Variants in OPTC observed in about 807,000 individuals in gnomAD.
The protein encoded by OPTC is oculoglycan.
OPTC carries 22 observed loss-of-function variants against 25.4 expected under a neutral mutation model. That is an observed-to-expected ratio of 0.87 (90% CI 0.62 to 1.24). The LOEUF (loss-of-function observed/expected upper bound fraction) is 1.24, where lower values mean the gene tolerates loss of function less well. Among genes scored for constraint, OPTC ranks in the 50% most tolerant of loss-of-function variants. The pLI is 0.00. For missense variants in OPTC, 417 were observed against 425.2 expected, an observed-to-expected ratio of 0.98 and a Z score of 0.17; for synonymous variants, 169 against 179.3, an observed-to-expected ratio of 0.94 and a Z score of 0.46.
In OPTC at chr1:203,498,885, G is replaced by C. The variant is rs748230235; in HGVS notation, c.529+46G>C. ...AGAGGAGTGGGGGCAGGCATATGCAGCCACCCTGCCACTAGGACAGTCACC... is the reference window on the plus strand; with the variant it reads ...AGAGGAGTGGGGGCAGGCATATGCACCCACCCTGCCACTAGGACAGTCACC... On this transcript the variant is annotated intron_variant, in intron 4 of 7. Transcript: ENST00000367222. 27 of 1,591,492 alleles carry C rather than the reference G, an allele frequency of 1.7e-5. No individual in the cohort carries two copies. In the Admixed American group the frequency reaches 1.7e-4, roughly 10 times the overall value.
rs1208911365 is a variant in OPTC, at chr1:203,496,177, G to A, written c.172G>A (p.Glu58Lys). ...NDVLNPDNYG[E>K]VIDLSNYEEL... The stretch of plus-strand genomic sequence containing the variant: ...TGTCCTGAACCCAGACAACTATGGT[G>A]AAGTCATTGACCTGAGCAACTATGA... The change falls in exon 2 of 8, where the codon GAA (glutamate) becomes AAA (lysine). Residue 58 changes from glutamate to lysine, a missense_variant. Physicochemically the swap from Glu to Lys is moderately conservative, Grantham distance 56. Transcript: ENST00000367222. 2 of 1,614,158 alleles carry A rather than the reference G, an allele frequency of 1.2e-6. No homozygotes were observed. The highest frequency in any genetic ancestry group is 8.5e-7 in the Non-Finnish European group (1 of 1,180,034).
At chr1:203,499,442 G>T (rs1054822902) in intron 4 of OPTC, among the ~76,000 whole-genome samples, 1 of 152,094 alleles carries the variant, frequency 6.6e-6, no homozygotes, top group Non-Finnish European at 1.5e-5. Context: ...CAAAACTCCA[G>T]GGAGGGGCAC....
chr1:203,502,119 G>A (rs1251679371), intron 5 of OPTC, among the ~76,000 whole-genome samples: 1 of 152,200 alleles, frequency 6.6e-6, no homozygotes, highest in Non-Finnish European at 1.5e-5. Context: ...AAGAGAACAG[G>A]AGGGTTAGAT....
intron 7 of OPTC, among the ~76,000 whole-genome samples, chr1:203,505,182 T>C (rs1330038548): frequency 2.0e-5 from 3 of 152,160 alleles, no homozygotes; most frequent in Non-Finnish European, 4.4e-5. Flanking sequence ...GGTGATAAGA[T>C]GGTACGCAAC....
In OPTC at chr1:203,502,791, G is replaced by A. The variant is rs944369540; in HGVS notation, c.733-123G>A. 3.9e-6 allele frequency: 3 copies of A among 778,688 alleles called. No individual in the cohort carries two copies. In the Admixed American group the frequency reaches 6.0e-5, roughly 15 times the overall value. 48.2% of individuals were successfully genotyped at this position (778,688 alleles called of 1,614,324 possible). On this transcript the variant is annotated intron_variant, in intron 5 of 7. Coordinates refer to ENST00000367222, the MANE Select transcript of OPTC (RefSeq NM_014359.4). The stretch of plus-strand genomic sequence containing the variant: ...GCACCCAGCACAGAGCTTGGCGCAT[G>A]GCTGAGGCTAAGTGAGCCCTGAGTG...
intron 1 of OPTC, among the ~76,000 whole-genome samples, chr1:203,495,508 C>T (rs1661262800): frequency 6.6e-6 from 1 of 152,166 alleles, no homozygotes; most frequent in Admixed American, 6.5e-5. Flanking sequence ...AAGAATGAAA[C>T]TTCGTCTCAA....
At chr1:203,501,864 C>G (rs1661396733) in intron 5 of OPTC, among the ~76,000 whole-genome samples, 1 of 152,148 alleles carries the variant, frequency 6.6e-6, no homozygotes, top group African/African-American at 2.4e-5. Flanking sequence ...TGCATGATCC[C>G]TGAAGTTCCC....
chr1:203,498,925 G>A, intron 4 of OPTC, 86 bp downstream of exon 4: 1 of 1,459,578 alleles, frequency 6.9e-7, no homozygotes, highest in South Asian at 1.2e-5. Flanking sequence ...CTGTGTTAGT[G>A]CCCCCCGTGT....
At position 203,497,047 on chromosome 1, in the gene OPTC, C is replaced by T. The variant is rs2102219411; in HGVS notation, c.302C>T (p.Pro101Leu). ...PAKSTTAPGT[P>L]SSNPTMTRPT... ...AAGAGCACTACGGCTCCAGGGACAC[C>T]CTCGTCAAACCCCACGATGACCAGA... The change falls in exon 3 of 8, where the codon CCC becomes CTC. Residue 101 changes from proline (P) to leucine (L), a missense_variant. Physicochemically the swap from Pro to Leu is moderately conservative, Grantham distance 98. Coordinates refer to ENST00000367222, the MANE Select transcript of OPTC (RefSeq NM_014359.4). 6.2e-7 allele frequency: 1 copy of T among 1,614,060 alleles called. No homozygotes were observed. Among genetic ancestry groups the T allele is most frequent in the Non-Finnish European group, 8.5e-7 (1 of 1,180,006 alleles).
chr1:203,508,614 C>G (rs1661539817), intron 7 of OPTC, 32 bp from the exon 8 acceptor site: 1 of 151,186 alleles, frequency 6.6e-6, no homozygotes, highest in Non-Finnish European at 1.5e-5. Flanking sequence ...ACACTAGACA[C>G]CAGCTCAATT....
Position 203,498,080 on chromosome 1 carries a change from G to T in OPTC, c.371-601G>T, listed in dbSNP as rs548389068. 2.6e-5 allele frequency among the ~76,000 whole-genome samples: 4 copies of T among 152,276 alleles called. No homozygotes were observed. In the East Asian group the frequency reaches 7.7e-4, roughly 29 times the overall value. On this transcript the variant is annotated intron_variant, in intron 3 of 7. Coordinates refer to ENST00000367222, the MANE Select transcript of OPTC (RefSeq NM_014359.4). ...CAATAAAGTCTCCCCAACTACTTGG[G>T]GTGGCTGACCTGGCCTAACCTCATT...
intron 6 of OPTC, 133 bp downstream of exon 6, chr1:203,503,142 G>A (rs908179280): frequency 8.2e-6 from 6 of 731,006 alleles, no homozygotes; most frequent in Non-Finnish European, 1.5e-5. Context: ...AGGGTTTATT[G>A]GAGACAAGGA....
intron 7 of OPTC, among the ~76,000 whole-genome samples, chr1:203,506,150 T>TC (rs199701082): frequency 0.21 from 30,395 of 146,402 alleles, 3,428 homozygotes; most frequent in Non-Finnish European, 0.26. Context: ...ATTTTCTTTT[T>TC]TCTTTTTTTT....
chr1:203,500,006 C>T (rs1661351533), intron 5 of OPTC, among the ~76,000 whole-genome samples, 155 bp downstream of exon 5: 1 of 144,156 alleles, frequency 6.9e-6, no homozygotes, highest in African/African-American at 2.6e-5. Context: ...CCACCACCCA[C>T]TTCCACACCT....
intron 2 of OPTC, among the ~76,000 whole-genome samples, chr1:203,496,647 C>T (rs914522153): frequency 1.3e-5 from 2 of 152,136 alleles, no homozygotes; most frequent in Non-Finnish European, 2.9e-5. Flanking sequence ...CTCAATTGTG[C>T]GTGAGCCTGG....
At chr1:203,497,592 GC>G (rs1415202768) in intron 3 of OPTC, among the ~76,000 whole-genome samples, 1 of 152,172 alleles carries the variant, frequency 6.6e-6, no homozygotes, top group Admixed American at 6.5e-5. Context: ...CCTCCTGGAG[GC>G]TGCGGCTGGC....
Position 203,496,977 on chromosome 1 carries a change from G to C in OPTC, c.232G>C (p.Val78Leu). The C allele has an allele frequency of 6.2e-7, 1 of 1,614,048 alleles. No homozygotes were observed. The change falls in exon 3 of 8, where the codon GTT becomes CTT. Residue 78 changes from valine to leucine, a missense_variant and splice_region_variant. Val to Leu is a conservative substitution (Grantham distance 32). Transcript: ENST00000367222. ...TGTGTACTCTGTGCTACATCTCCAG[G>C]TTAAGGTGACTAGCCTCGCTCCTGC... Reference protein sequence around the residue: ...LTDYGDQLPEVKVTSLAPATS... With the variant: ...LTDYGDQLPELKVTSLAPATS...
chr1:203,503,048 T>C (rs766438904), intron 6 of OPTC, 39 bp downstream of exon 6: 1 of 1,519,320 alleles, frequency 6.6e-7, no homozygotes, highest in South Asian at 1.1e-5. Flanking sequence ...ATAAACAGCG[T>C]GGAGGATGGA....
chr1:203,497,454 A>G (rs1661298834), intron 3 of OPTC, among the ~76,000 whole-genome samples: 1 of 152,196 alleles, frequency 6.6e-6, no homozygotes, highest in Non-Finnish European at 1.5e-5. Context: ...GATTACAGAC[A>G]ATTAAAAGCC....
Sources: gnomAD v4.1 joint callset for allele counts (sites outside exome capture counted in the v4.1 genomes callset) on GRCh38, gnomAD v4.1.1 for gene constraint, MANE v1.5 for transcripts, NCBI Gene and HGNC (gene_info 2026-07-23, HGNC 2026-07-21) for gene names.